PEAR1: variants seen among roughly 807,000 people sequenced by gnomAD.
PEAR1 encodes platelet endothelial aggregation receptor 1.
Under a neutral mutation model 131.2 loss-of-function variants are expected in PEAR1, and 113 were observed. The ratio of observed to expected loss-of-function variants is 0.86; its 90% CI spans 0.74 to 1.01. The LOEUF (loss-of-function observed/expected upper bound fraction) is 1.01, where lower values mean the gene tolerates loss of function less well. Ranked by LOEUF, PEAR1 falls within the 50% of genes least tolerant of loss-of-function variation. The pLI is 0.00. For missense variants in PEAR1, 1,408 were observed against 1,391.1 expected (o/e 1.01, Z -0.19); for synonymous variants, 565 against 523.3 (o/e 1.08, Z -1.09).
In PEAR1 at chr1:156,909,829, C is replaced by T. The variant is rs765252966; in HGVS notation, c.1490C>T (p.Ala497Val). 3.3e-5 allele frequency: 53 copies of T among 1,613,836 alleles called. No individual in the cohort carries two copies. The highest frequency in any genetic ancestry group is 4.2e-5 in the Non-Finnish European group (50 of 1,179,894). ...GFSCNASCQC[A>V]HEAVCSPQTG... is the part of the protein sequence containing the mutation. Reference sequence around the variant, plus strand: ...AGTTGCAATGCCAGCTGCCAGTGTGCCCATGAGGCAGTCTGCAGCCCCCAA... The same window carrying T: ...AGTTGCAATGCCAGCTGCCAGTGTGTCCATGAGGCAGTCTGCAGCCCCCAA... The change falls in exon 12 of 23, where the codon GCC (alanine) becomes GTC (valine). Residue 497 changes from alanine to valine, a missense_variant. Transcript: ENST00000292357.
At chr1:156,901,467 C>A (rs1252775651) in intron 1 of PEAR1, among the ~76,000 whole-genome samples, 2 of 152,226 alleles carry the variant, frequency 1.3e-5, no homozygotes, top group Non-Finnish European at 2.9e-5. Flanking sequence ...CTATATGGCA[C>A]TTCCTCCCTG....
Position 156,906,175 on chromosome 1 carries a change from C to T in PEAR1, c.308-101C>T, listed in dbSNP as rs1224548246. The T allele has an allele frequency of 7.5e-6, 8 of 1,067,636 alleles. No homozygotes were observed. In the African/African-American group the frequency reaches 7.8e-5, roughly 10 times the overall value. 66.1% of individuals were successfully genotyped at this position (1,067,636 alleles called of 1,614,324 possible). A position where few individuals can be genotyped will look rare whatever the true frequency, so the allele number is the denominator to read the frequency against. On this transcript the variant is annotated intron_variant, in intron 4 of 22. Transcript: ENST00000292357. ...GGCAGAATTGGGGCTTGGAGAACTT[C>T]AGGTCCCTGGTTTTGGAGGAAGGTG...
At chr1:156,910,538 A>AGGTG in intron 14 of PEAR1, 80 bp from the exon 15 acceptor site, 1 of 1,576,046 alleles carries the variant, frequency 6.3e-7, no homozygotes. Flanking sequence ...TGCAGTGGGA[A>AGGTG]GGTGGGAGGG....
rs1465897462 is a variant in PEAR1 at position 156,900,400 on chromosome 1, T to C, written c.-9-3518T>C. The stretch of plus-strand genomic sequence containing the variant: ...TTTTAAAAAGAAGATACAGAGCCCC[T>C]GGGCTTCCCATCTGGACTTGGGAAA... On this transcript the variant is annotated intron_variant, in intron 1 of 22. Transcript: ENST00000292357. 2.1e-5 allele frequency among the ~76,000 whole-genome samples: 3 copies of C among 142,896 alleles called. No individual in the cohort carries two copies. In the Admixed American group the frequency reaches 2.1e-4, roughly 10 times the overall value. 93.7% of individuals were successfully genotyped at this position (142,896 alleles called of 152,430 possible). A position where few individuals can be genotyped will look rare whatever the true frequency, so the allele number is the denominator to read the frequency against.
Position 156,914,853 on chromosome 1 carries a change from TG to T in PEAR1, c.*59del. On this transcript the variant is annotated 3_prime_UTR_variant, in exon 23 of 23. Coordinates refer to ENST00000292357, the MANE Select transcript of PEAR1 (RefSeq NM_001080471.3). ...ACACCTGGCTGTTGCTGCTCAAGGC[TG>T]GGGACAGAGCCTAGTGTACCCCTGC... 3 of 1,595,714 alleles carry T rather than the reference TG, an allele frequency of 1.9e-6. No homozygotes were observed. Among genetic ancestry groups the T allele is most frequent in the Non-Finnish European group, 2.6e-6 (3 of 1,168,572 alleles).
intron 5 of PEAR1, 134 bp downstream of exon 5, chr1:156,906,502 A>G: frequency 6.5e-7 from 1 of 1,536,372 alleles, no homozygotes. Flanking sequence ...CATTGCTGCC[A>G]TCTGCCTTTT....
rs754457286 is a variant in PEAR1 at position 156,904,732 on chromosome 1, G to C, written c.102-16G>C. ...TCCTCCTGCCCTCGGCCCTGACCCT[G>C]TTCCCTGTCTTGCAGCTTCACTACC... On this transcript the variant is annotated splice_polypyrimidine_tract_variant and intron_variant, in intron 2 of 22. Transcript: ENST00000292357. 2 of 1,604,556 alleles carry C rather than the reference G, an allele frequency of 1.2e-6. No homozygotes were observed. The highest frequency in any genetic ancestry group is 2.2e-5 in the East Asian group (1 of 44,818).
rs1651313886 is a variant in PEAR1 at position 156,912,376 on chromosome 1, G to T, written c.2080+1G>T. On this transcript the variant is annotated splice_donor_variant, in intron 16 of 22. Transcript: ENST00000292357. LOFTEE classifies it high-confidence loss of function. ...TGGACTGGACACCACTGCTTAGAAG[G>T]TACCAACAGAAGGGGAACTCCAGGC... The T allele has an allele frequency of 6.2e-7, 1 of 1,611,674 alleles. No individual in the cohort carries two copies.
In PEAR1 at chr1:156,908,818, C is replaced by T. The variant is rs750143699; in HGVS notation, c.1279C>T (p.Pro427Ser). 8.1e-6 allele frequency: 13 copies of T among 1,606,120 alleles called. No homozygotes were observed. In the South Asian group the frequency reaches 1.4e-4, roughly 18 times the overall value. The change falls in exon 10 of 23, where the codon CCG (proline) becomes TCG (serine). Residue 427 changes from proline to serine, a missense_variant. Pro to Ser is a moderately conservative substitution (Grantham distance 74). Coordinates refer to ENST00000292357, the MANE Select transcript of PEAR1 (RefSeq NM_001080471.3). The surrounding 1 kb of genome is among the most constrained non-coding windows in gnomAD (Gnocchi z 4.2). The part of the protein sequence containing the change: ...QATSGLCQCA[P>S]GYTGPHCASL... Reference sequence around the variant, plus strand: ...TACCAGCGGCCTCTGTCAGTGCGCGCCGGGTTACACGGTGAGGCGCGCCCG... The same window carrying T: ...TACCAGCGGCCTCTGTCAGTGCGCGTCGGGTTACACGGTGAGGCGCGCCCG...
Position 156,904,817 on chromosome 1 carries a change from G to A in PEAR1, c.171G>A (p.Arg57=), listed in dbSNP as rs750683216. The A allele has an allele frequency of 2.5e-6, 4 of 1,613,766 alleles. No homozygotes were observed. The highest frequency in any genetic ancestry group is 8.5e-7 in the Non-Finnish European group (1 of 1,179,898). The change falls in exon 3 of 23, where the codon CGG becomes CGA. Residue 57 remains arginine, a synonymous_variant. Coordinates refer to ENST00000292357, the MANE Select transcript of PEAR1 (RefSeq NM_001080471.3). The part of the protein sequence containing the change: ...FSLLPSEPCE[R]PWEGPHTCPQ... Reference sequence around the variant, plus strand: ...TGCTCCCCTCAGAGCCCTGCGAGCGGCCCTGGGAGGGCCCCCATACTTGCC... The same window carrying A: ...TGCTCCCCTCAGAGCCCTGCGAGCGACCCTGGGAGGGCCCCCATACTTGCC...
Position 156,905,425 on chromosome 1 carries a change from G to A in PEAR1, c.307+1G>A, listed in dbSNP as rs199848644. ...TATGAGAGCAGGGGGTTCTGTGTCC[G>A]TGAGTCCAGGGTTGGGTTAGGGAGC... On this transcript the variant is annotated splice_donor_variant, in intron 4 of 22. Coordinates refer to ENST00000292357, the MANE Select transcript of PEAR1 (RefSeq NM_001080471.3). LOFTEE classifies it high-confidence loss of function. The A allele has an allele frequency of 5.6e-6, 9 of 1,600,678 alleles. No individual in the cohort carries two copies. The highest frequency in any genetic ancestry group is 1.7e-5 in the Admixed American group (1 of 58,390).
rs1651450934 is a variant in PEAR1, at chr1:156,913,224, C to T, written c.2453C>T (p.Ser818Phe). The part of the protein sequence containing the change: ...DVPPSYSHYY[S>F]NPSYHTLSQC... ...CCTCCGAGCTACAGTCACTACTACT[C>T]CAACCCCAGCTACCACACCCTGTCG... Residue 818 changes from serine (S) to phenylalanine (F), a missense_variant, in exon 19 of 23, where the codon TCC becomes TTC. Coordinates refer to ENST00000292357, the MANE Select transcript of PEAR1 (RefSeq NM_001080471.3). 1 of 1,613,814 alleles carries T rather than the reference C, an allele frequency of 6.2e-7. No individual in the cohort carries two copies. Among genetic ancestry groups the T allele is most frequent in the Non-Finnish European group, 8.5e-7 (1 of 1,179,892 alleles).
rs199990150 is a variant in PEAR1 at position 156,909,789 on chromosome 1, G to A, written c.1450G>A (p.Gly484Arg). The change falls in exon 12 of 23, where the codon GGA (glycine) becomes AGA (arginine). Residue 484 changes from glycine to arginine, a missense_variant. Transcript: ENST00000292357. ...TAACTGCTCTGTGCCCTGCCCACCC[G>A]GAACCTGGGGCTTCAGTTGCAATGC... ...RGNCSVPCPP[G>R]TWGFSCNASC... 4.5e-5 allele frequency: 73 copies of A among 1,613,712 alleles called. No homozygotes were observed. Among genetic ancestry groups the A allele is most frequent in the African/African-American group, 1.3e-4 (10 of 74,926 alleles).
intron 1 of PEAR1, among the ~76,000 whole-genome samples, chr1:156,900,868 G>T (rs927097357): frequency 6.6e-6 from 1 of 152,132 alleles, no homozygotes; most frequent in African/African-American, 2.4e-5. Flanking sequence ...CCCTTGAGGG[G>T]TATATGCAAT....
At chr1:156,912,448 T>C (rs1054432274) in intron 16 of PEAR1, 46 bp from the exon 17 acceptor site, 1 of 1,604,044 alleles carries the variant, frequency 6.2e-7, no homozygotes, top group Non-Finnish European at 8.5e-7. Flanking sequence ...GACTAGAGTT[T>C]CCTGGCGGCT....
intron 15 of PEAR1, among the ~76,000 whole-genome samples, chr1:156,911,585 C>T (rs963661590): frequency 2.6e-4 from 39 of 150,398 alleles, no homozygotes; most frequent in African/African-American, 7.6e-4. Flanking sequence ...TGAGCCACTG[C>T]GCCCAGCCCT....
chr1:156,909,326 G>A (rs932514010), intron 11 of PEAR1, among the ~76,000 whole-genome samples: 1 of 152,206 alleles, frequency 6.6e-6, no homozygotes, highest in African/African-American at 2.4e-5. Flanking sequence ...ACCATGCTGG[G>A]AAGGGCCTCA....
At chr1:156,904,121 T>C (rs1649968986) in intron 2 of PEAR1, 94 bp downstream of exon 2, 1 of 986,340 alleles carries the variant, frequency 1.0e-6, no homozygotes, top group Non-Finnish European at 1.6e-6. Flanking sequence ...GGTCCTTCCT[T>C]AATCTCCTTC....
At position 156,908,438 on chromosome 1, in the gene PEAR1, A is replaced by G; in HGVS notation, c.1115+98A>G. 3 of 1,364,652 alleles carry G rather than the reference A, an allele frequency of 2.2e-6. No homozygotes were observed. Among genetic ancestry groups the G allele is most frequent in the Non-Finnish European group, 1.9e-6 (2 of 1,032,430 alleles). 84.5% of individuals were successfully genotyped at this position (1,364,652 alleles called of 1,614,324 possible). On this transcript the variant is annotated intron_variant, in intron 9 of 22. Coordinates refer to ENST00000292357, the MANE Select transcript of PEAR1 (RefSeq NM_001080471.3). The surrounding 1 kb of genome is among the most constrained non-coding windows in gnomAD (Gnocchi z 4.2). ...AGCCAGGGCCATATCCAAGGGGGAC[A>G]GGTGTCACAGAAGGGGAAAGGGAGG...
Sources: gnomAD v4.1 joint callset for allele counts (sites outside exome capture counted in the v4.1 genomes callset) on GRCh38, gnomAD v4.1.1 for gene constraint, Gnocchi (gnomAD v3.1) non-coding constraint, MANE v1.5 for transcripts, NCBI Gene and HGNC (gene_info 2026-07-23, HGNC 2026-07-21) for gene names.